Variants in ATP10B observed in about 807,000 individuals in gnomAD.
ATP10B encodes ATPase phospholipid transporting 10B (putative).
Under a neutral mutation model 141.2 loss-of-function variants are expected in ATP10B, and 122 were observed. The ratio of observed to expected loss-of-function variants is 0.86; its 90% CI spans 0.75 to 1.00. The LOEUF is 1.00. Ranked by LOEUF, ATP10B falls within the 50% of genes least tolerant of loss-of-function variation. ATP10B has a pLI of 0.00. For synonymous variants in ATP10B, 685 were observed against 692.0 expected (o/e 0.99, Z 0.16); for missense variants, 1,876 against 1,825.3 (o/e 1.03, Z -0.51).
chr5:160,640,146 G>T (rs1400887040), intron 10 of ATP10B, among the ~76,000 whole-genome samples: 1 of 152,196 alleles, frequency 6.6e-6, no homozygotes, highest in African/African-American at 2.4e-5. Context: ...AAATGACTGT[G>T]TGTTCATGTT....
At chr5:160,671,164 C>CA (rs1167788105) in intron 6 of ATP10B, among the ~76,000 whole-genome samples, 1,743 of 22,892 alleles carry the variant, frequency 0.076, 57 homozygotes, top group Non-Finnish European at 0.14. Flanking sequence ...GACTCTGTCT[C>CA]AAAAAAAAAA....
chr5:160,778,184 T>C (rs1770470920), intron 2 of ATP10B, among the ~76,000 whole-genome samples: 1 of 152,188 alleles, frequency 6.6e-6, no homozygotes, highest in Admixed American at 6.5e-5. Context: ...AACACATAAA[T>C]AATTTTAAAG....
chr5:160,872,016 T>C, the ATP10B span, among the ~76,000 whole-genome samples: 1 of 152,150 alleles, frequency 6.6e-6, no homozygotes, highest in Non-Finnish European at 1.5e-5. Context: ...CCACCAGCAG[T>C]GTAGAAGTGT....
At chr5:160,818,348 C>A (rs1055708703) in intron 1 of ATP10B, among the ~76,000 whole-genome samples, 4 of 152,174 alleles carry the variant, frequency 2.6e-5, no homozygotes, top group Admixed American at 2.6e-4. Context: ...AGGATATGAA[C>A]AGACACTTCT....
At chr5:160,751,570 C>T (rs748556827) in intron 2 of ATP10B, among the ~76,000 whole-genome samples, 7 of 151,840 alleles carry the variant, frequency 4.6e-5, no homozygotes, top group Non-Finnish European at 7.4e-5. Flanking sequence ...CTGCAAAATA[C>T]CTAATCACCC....
At chr5:160,652,393 A>C (rs2127692973) in intron 7 of ATP10B, among the ~76,000 whole-genome samples, 1 of 151,144 alleles carries the variant, frequency 6.6e-6, no homozygotes, top group South Asian at 2.1e-4. Context: ...AGCTCAAGAC[A>C]CAGAGAACTG....
At chr5:160,735,263 C>T (rs1057413353) in intron 2 of ATP10B, among the ~76,000 whole-genome samples, 5 of 151,426 alleles carry the variant, frequency 3.3e-5, no homozygotes, top group Non-Finnish European at 7.4e-5. Context: ...ACATGCTTCA[C>T]TTATAAAGAT....
At chr5:160,801,476 G>A (rs1772365578) in intron 1 of ATP10B, among the ~76,000 whole-genome samples, 1 of 152,114 alleles carries the variant, frequency 6.6e-6, no homozygotes, top group African/African-American at 2.4e-5. Flanking sequence ...TTTATTTTGT[G>A]CAAATTCCAT....
chr5:160,748,021 C>A (rs1767920440), intron 2 of ATP10B, among the ~76,000 whole-genome samples: 1 of 143,316 alleles, frequency 7.0e-6, no homozygotes, highest in African/African-American at 2.6e-5. Context: ...AAAAAAGCGG[C>A]CGGGGTTGTG....
At chr5:160,631,941 T>C (rs78830338) in intron 13 of ATP10B, among the ~76,000 whole-genome samples, 188 bp downstream of exon 13, 1,574 of 152,346 alleles carry the variant, frequency 0.01, 18 homozygotes, top group African/African-American at 0.036. Context: ...TTTCTAAACA[T>C]TGAACATTTC....
chr5:160,819,499 T>C (rs947101216), intron 1 of ATP10B, among the ~76,000 whole-genome samples: 5 of 152,132 alleles, frequency 3.3e-5, no homozygotes, highest in Admixed American at 1.3e-4. Flanking sequence ...CAAAACTTAC[T>C]GGTTATGGTA....
At chr5:160,669,255 G>C (rs962489661) in intron 7 of ATP10B, among the ~76,000 whole-genome samples, 1 of 152,300 alleles carries the variant, frequency 6.6e-6, no homozygotes, top group East Asian at 1.9e-4. Context: ...AATACCAACT[G>C]TTCCCTGGTC....
At chr5:160,759,107 A>G (rs1445983563) in intron 2 of ATP10B, among the ~76,000 whole-genome samples, 1 of 152,220 alleles carries the variant, frequency 6.6e-6, no homozygotes, top group Non-Finnish European at 1.5e-5. Context: ...ATAAAAAATT[A>G]TGATTTAAGA....
At chr5:160,632,474 T>C (rs1008074064) in intron 12 of ATP10B, 107 bp from the exon 13 acceptor site, 28 of 1,030,586 alleles carry the variant, frequency 2.7e-5, no homozygotes, top group Non-Finnish European at 3.9e-5. Context: ...GAAGGGCCTA[T>C]GCTACTCTGA....
intron 3 of ATP10B, among the ~76,000 whole-genome samples, chr5:160,695,401 G>A (rs1302304438): frequency 6.6e-6 from 1 of 152,194 alleles, no homozygotes; most frequent in Non-Finnish European, 1.5e-5. Context: ...GGGACCTTGT[G>A]TCCCAAGAGG....
the ATP10B span, among the ~76,000 whole-genome samples, chr5:160,920,198 A>G: frequency 6.6e-6 from 1 of 152,212 alleles, no homozygotes; most frequent in Non-Finnish European, 1.5e-5. Context: ...CCATCTCATG[A>G]CAGCCCTACG....
chr5:160,799,136 T>C (rs1772173633), intron 1 of ATP10B, among the ~76,000 whole-genome samples: 1 of 152,082 alleles, frequency 6.6e-6, no homozygotes. Flanking sequence ...TTTTTCAGGT[T>C]TGTGTTTTAA....
chr5:160,772,309 T>C (rs1000103460), intron 2 of ATP10B, among the ~76,000 whole-genome samples: 1 of 152,208 alleles, frequency 6.6e-6, no homozygotes, highest in Admixed American at 6.5e-5. Context: ...GCCTGCAAAG[T>C]GTATCATCCC....
chr5:160,661,869 C>A (rs1374185985), intron 7 of ATP10B, among the ~76,000 whole-genome samples: 1 of 152,160 alleles, frequency 6.6e-6, no homozygotes, highest in Middle Eastern at 3.2e-3. Flanking sequence ...TCCCTGTTTG[C>A]AGGTGACATG....
Sources: allele counts gnomAD v4.1 joint callset (sites outside exome capture counted in the v4.1 genomes callset), GRCh38; gene constraint gnomAD v4.1.1; transcripts MANE v1.5; gene names NCBI Gene and HGNC (gene_info 2026-07-23, HGNC 2026-07-21).